Variants in CACNG2 observed in about 807,000 individuals in gnomAD.
CACNG2 encodes voltage-dependent calcium channel gamma-2 subunit.
CACNG2 carries 3 observed loss-of-function variants against 25.9 expected under a neutral mutation model. The ratio of observed to expected loss-of-function variants is 0.12; its 90% confidence interval spans 0.05 to 0.30. CACNG2 has a LOEUF of 0.30. CACNG2 is among the 10% of genes least tolerant of loss of function. The pLI is 1.00. For missense variants in CACNG2, 341 were observed against 432.5 expected, an observed-to-expected ratio of 0.79 and a Z score of 1.88; for synonymous variants, 167 against 173.3, an observed-to-expected ratio of 0.96 and a Z score of 0.29.
In CACNG2 at chr22:36,611,714, C is replaced by T. The variant is rs138540479; in HGVS notation, c.212-24166G>A. On this transcript the variant is annotated intron_variant, in intron 1 of 3. Coordinates refer to ENST00000300105, the MANE Select transcript of CACNG2 (RefSeq NM_006078.5). The stretch of plus-strand genomic sequence containing the variant: ...TAAAGTGTGGGAGTCTGACCAGCCG[C>T]GGGTCTCCAGGCTGTTGTTCTAGCA... 1.7e-3 allele frequency among the ~76,000 whole-genome samples: 265 copies of T among 152,332 alleles called. 1 individual carries two copies. The highest frequency in any genetic ancestry group is 0.012 in the South Asian group (57 of 4,820).
chr22:36,568,205 A>G (rs1935160501), intron 2 of CACNG2, among the ~76,000 whole-genome samples: 1 of 152,060 alleles, frequency 6.6e-6, no homozygotes, highest in Admixed American at 6.6e-5. Flanking sequence ...AGTCCTGATA[A>G]TTACAGGACC....
At chr22:36,677,912 A>G (rs192513169) in intron 1 of CACNG2, among the ~76,000 whole-genome samples, 1 of 152,340 alleles carries the variant, frequency 6.6e-6, no homozygotes, top group Admixed American at 6.5e-5. Flanking sequence ...CTTTTTAAGT[A>G]TAATTTTGAG....
chr22:36,686,082 T>C (rs1200509592), intron 1 of CACNG2, among the ~76,000 whole-genome samples: 1 of 152,224 alleles, frequency 6.6e-6, no homozygotes, highest in Non-Finnish European at 1.5e-5. Context: ...GTCTGGATCT[T>C]TGCCGACATC....
intron 1 of CACNG2, among the ~76,000 whole-genome samples, chr22:36,659,845 G>T (rs1023492159): frequency 6.6e-6 from 1 of 152,026 alleles, no homozygotes; most frequent in Non-Finnish European, 1.5e-5. Context: ...TGCCACCCCC[G>T]AGAGGAGGCC....
At chr22:36,687,297 G>GTTTAATTTTGTTTAATTGTTT in intron 1 of CACNG2, among the ~76,000 whole-genome samples, 1 of 152,330 alleles carries the variant, frequency 6.6e-6, no homozygotes, top group South Asian at 2.1e-4. Flanking sequence ...TTTTGTTTAA[G>GTTTAATTTTGTTTAATTGTTT]ACACTGCTCA....
chr22:36,652,977 C>T (rs535683567), intron 1 of CACNG2, among the ~76,000 whole-genome samples: 1 of 151,974 alleles, frequency 6.6e-6, no homozygotes, highest in Non-Finnish European at 1.5e-5. Flanking sequence ...TAGGCAAAGA[C>T]AGAGATGTGT....
intron 1 of CACNG2, among the ~76,000 whole-genome samples, chr22:36,645,534 CTCAAAAAAAAAAAAA>C (rs1287678889): frequency 1.2e-5 from 1 of 80,832 alleles, no homozygotes; most frequent in Non-Finnish European, 2.3e-5. Context: ...AAGACTCTGT[CTCAAAAAAAAAAAAA>C]AAAAAAAAAA....
chr22:36,602,994 G>A (rs1338649707), intron 1 of CACNG2, among the ~76,000 whole-genome samples: 1 of 152,180 alleles, frequency 6.6e-6, no homozygotes, highest in Non-Finnish European at 1.5e-5. Flanking sequence ...TCAAAAGCTA[G>A]AAACAATTAA....
At chr22:36,574,208 CG>C (rs1465151191) in intron 2 of CACNG2, among the ~76,000 whole-genome samples, 1 of 152,148 alleles carries the variant, frequency 6.6e-6, no homozygotes, top group African/African-American at 2.4e-5. Flanking sequence ...AAACGGATTA[CG>C]AAGGGGTCAA....
At chr22:36,682,184 C>T (rs574272541) in intron 1 of CACNG2, among the ~76,000 whole-genome samples, 121 of 152,320 alleles carry the variant, frequency 7.9e-4, no homozygotes, top group African/African-American at 2.4e-3. Context: ...GGGGAGAAGA[C>T]GCAGGGCTTG....
intron 1 of CACNG2, among the ~76,000 whole-genome samples, chr22:36,600,041 C>T (rs1935730774): frequency 6.6e-6 from 1 of 152,174 alleles, no homozygotes; most frequent in African/African-American, 2.4e-5. Context: ...GTGCCCTTCT[C>T]AGTCCTTTCC....
At chr22:36,655,322 T>C (rs1936686859) in intron 1 of CACNG2, among the ~76,000 whole-genome samples, 1 of 152,202 alleles carries the variant, frequency 6.6e-6, no homozygotes. Context: ...CCTGAGGTCT[T>C]GGTTAAACAA....
chr22:36,579,946 C>A (rs1333416894), intron 2 of CACNG2, among the ~76,000 whole-genome samples: 1 of 152,214 alleles, frequency 6.6e-6, no homozygotes, highest in Non-Finnish European at 1.5e-5. Context: ...TTGTTCTTTG[C>A]GCTCATCGCT....
At chr22:36,691,472 A>G (rs1015096279) in intron 1 of CACNG2, among the ~76,000 whole-genome samples, 3 of 152,302 alleles carry the variant, frequency 2.0e-5, no homozygotes, top group Admixed American at 2.0e-4. Flanking sequence ...AATGCTGAAG[A>G]CTTCATCATG....
intron 1 of CACNG2, among the ~76,000 whole-genome samples, chr22:36,608,827 T>C (rs549818638): frequency 6.6e-6 from 1 of 152,324 alleles, no homozygotes; most frequent in East Asian, 1.9e-4. Flanking sequence ...GAGGGTTAAC[T>C]AAGTTAATCT....
At chr22:36,649,880 G>A (rs1379881241) in intron 1 of CACNG2, among the ~76,000 whole-genome samples, 5 of 152,234 alleles carry the variant, frequency 3.3e-5, no homozygotes, top group Admixed American at 3.3e-4. Flanking sequence ...CCCCAGCCAT[G>A]TGGAACTGTG....
chr22:36,626,561 C>T (rs989600994), intron 1 of CACNG2, among the ~76,000 whole-genome samples: 3 of 152,186 alleles, frequency 2.0e-5, no homozygotes, highest in Non-Finnish European at 2.9e-5. Context: ...CTGTTCTCTT[C>T]TTTATCAGTG....
intron 1 of CACNG2, among the ~76,000 whole-genome samples, chr22:36,588,949 A>T (rs991562233): frequency 6.6e-6 from 1 of 150,390 alleles, no homozygotes; most frequent in African/African-American, 2.4e-5. Flanking sequence ...TGTGTCATAG[A>T]TATTAATTAG....
Position 36,643,466 on chromosome 22 carries a change from A to G in CACNG2, c.212-55918T>C, listed in dbSNP as rs867885626. Among the ~76,000 whole-genome samples, 17 of 144,588 alleles carry G rather than the reference A, an allele frequency of 1.2e-4. No individual in the cohort carries two copies. The South Asian group carries it at 2.1e-3, about 18-fold the overall frequency. The allele number at this position is 144,588 out of a possible 152,430, so 94.9% of individuals were successfully genotyped here. On this transcript the variant is annotated intron_variant, in intron 1 of 3. Transcript: ENST00000300105. ...ACTTACATTCTAATGATCTACATCT[A>G]TCTGTCTGTCTATCTATCTATCTAT...
Sources: allele counts gnomAD v4.1 joint callset (sites outside exome capture counted in the v4.1 genomes callset), GRCh38; gene constraint gnomAD v4.1.1; transcripts MANE v1.5; gene names NCBI Gene and HGNC (gene_info 2026-07-23, HGNC 2026-07-21).